ZBTB17: variants seen among roughly 807,000 people sequenced by gnomAD.
ZBTB17 encodes the protein zinc finger and BTB domain-containing protein 17.
A neutral mutation model predicts 85.1 loss-of-function variants in ZBTB17; 24 were observed. That is an observed-to-expected ratio of 0.28 (90% confidence interval 0.20 to 0.40). The LOEUF is 0.40. Among genes scored for constraint, ZBTB17 ranks in the 10% least tolerant of loss-of-function variants. The probability of loss-of-function intolerance (pLI) is 1.00; values close to 1 mark genes in which losing one functional copy is unlikely to be tolerated. For synonymous variants in ZBTB17, 464 were observed against 460.2 expected (o/e 1.01, Z -0.11); for missense variants, 743 against 1,105.1 (o/e 0.67, Z 4.65).
At chr1:15,949,841 G>A (rs531495632) in intron 2 of ZBTB17, among the ~76,000 whole-genome samples, 1 of 152,206 alleles carries the variant, frequency 6.6e-6, no homozygotes, top group Admixed American at 6.5e-5. Flanking sequence ...GTGATGTCTG[G>A]AAACTTTTCA....
In ZBTB17 at chr1:15,945,755, A is replaced by G. The variant is rs848217; in HGVS notation, c.621T>C (p.Ala207=). ...CGGACAAAGCGGCCTCAGCTTCTGC[A>G]GCAGCCATGCCACTCGTGGGGTCTG... ...LKPDPTSGMA[A]AEAEAALSES... The change falls in exon 6 of 16, where the codon GCT becomes GCC. Residue 207 remains alanine, a synonymous_variant. Transcript: ENST00000375743. The G allele has an allele frequency of 0.51, 811,446 of 1,605,680 alleles. 207,476 individuals are homozygous for G. Among genetic ancestry groups the G allele is most frequent in the Admixed American group, 0.67 (40,020 of 59,924 alleles).
intron 2 of ZBTB17, among the ~76,000 whole-genome samples, chr1:15,972,226 C>A (rs974924070): frequency 1.3e-5 from 2 of 152,230 alleles, no homozygotes; most frequent in Non-Finnish European, 2.9e-5. Flanking sequence ...TAGCACCCAG[C>A]ACAATGCCTG....
chr1:15,942,064 C>G lies in ZBTB17; in HGVS notation c.2317G>C (p.Glu773Gln), dbSNP rs1004600267. ...WPAGQVLQAG[E>Q]LVFRPRDGAE... ...CCGTCGCGAGGGCGGAAGACCAGCTCCCCAGCCTGCAGCACCTGCCCGGCA... is the reference window on the plus strand; with the variant it reads ...CCGTCGCGAGGGCGGAAGACCAGCTGCCCAGCCTGCAGCACCTGCCCGGCA... The change falls in exon 16 of 16, where the codon GAG becomes CAG. Residue 773 changes from glutamate to glutamine, a missense_variant. Glu to Gln is a conservative substitution (Grantham distance 29). Coordinates refer to ENST00000375743, the MANE Select transcript of ZBTB17 (RefSeq NM_003443.3). 1 of 1,612,720 alleles carries G rather than the reference C, an allele frequency of 6.2e-7. No homozygotes were observed. Among genetic ancestry groups the G allele is most frequent in the African/African-American group, 1.3e-5 (1 of 74,950 alleles).
intron 2 of ZBTB17, among the ~76,000 whole-genome samples, chr1:15,959,989 T>C (rs1407515173): frequency 6.6e-6 from 1 of 152,008 alleles, no homozygotes; most frequent in Non-Finnish European, 1.5e-5. Flanking sequence ...AGGAAAACAA[T>C]ATGAGCAGAA....
At chr1:15,969,832 C>A in intron 2 of ZBTB17, 1 of 555,254 alleles carries the variant, frequency 1.8e-6, no homozygotes. Flanking sequence ...GGTCACCATG[C>A]TGTTTTTTAT....
chr1:15,950,786 T>A (rs766631997), intron 2 of ZBTB17, among the ~76,000 whole-genome samples: 2 of 152,040 alleles, frequency 1.3e-5, no homozygotes, highest in South Asian at 2.1e-4. Context: ...GGAAGAGACA[T>A]GTGAGGAGAC....
rs181148790 is a variant in ZBTB17, at chr1:15,951,282, A to T, written c.-2-2785T>A. ...AGGAAGAAGTGAAGATGGGCAAAGT[A>T]AGGGAAGGAAAGGAGAGAGAAGAAG... On this transcript the variant is annotated intron_variant, in intron 2 of 15. Transcript: ENST00000375743. The surrounding 1 kb of genome is among the most constrained non-coding windows in gnomAD (Gnocchi z 4.1). 2.6e-5 allele frequency among the ~76,000 whole-genome samples: 4 copies of T among 151,074 alleles called. No individual in the cohort carries two copies. Among genetic ancestry groups the T allele is most frequent in the African/African-American group, 9.7e-5 (4 of 41,164 alleles).
chr1:15,944,390 G>A lies in ZBTB17; in HGVS notation c.1281C>T (p.Phe427=). 1 of 1,561,292 alleles carries A rather than the reference G, an allele frequency of 6.4e-7. No individual in the cohort carries two copies. Among genetic ancestry groups the A allele is most frequent in the Non-Finnish European group, 8.7e-7 (1 of 1,153,130 alleles). ...GGCGCATCTTGGAAGTGGGGTCGGA[G>A]AAGGAGCGGCCGCAGTAGTCGCACT... ...PYQCDYCGRS[F]SDPTSKMRHL... is the part of the protein sequence containing the mutation. The change falls in exon 9 of 16, where the codon TTC becomes TTT. Residue 427 remains phenylalanine (F), a synonymous_variant. Coordinates refer to ENST00000375743, the MANE Select transcript of ZBTB17 (RefSeq NM_003443.3).
At position 15,964,881 on chromosome 1, in the gene ZBTB17, C is replaced by T. The variant is rs974919830; in HGVS notation, c.-3+8158G>A. Among the ~76,000 whole-genome samples, 1 of 151,906 alleles carries T rather than the reference C, an allele frequency of 6.6e-6. No individual in the cohort carries two copies. Among genetic ancestry groups the T allele is most frequent in the Admixed American group, 6.6e-5 (1 of 15,228 alleles). ...CTATAATCCCAGCACTTTGGGAGGC[C>T]GAGATGGGTGGATCATGAGGTCAGG... is the stretch of plus-strand genomic sequence containing the variant. On this transcript the variant is annotated intron_variant, in intron 2 of 15. Transcript: ENST00000375743. This position sits in a 1 kb window ranked among gnomAD's most constrained non-coding sequence, Gnocchi z 4.3.
Position 15,945,019 on chromosome 1 carries a change from G to C in ZBTB17, c.845C>G (p.Ser282Cys). 6.2e-7 allele frequency: 1 copy of C among 1,603,112 alleles called. No homozygotes were observed. The highest frequency in any genetic ancestry group is 8.5e-7 in the Non-Finnish European group (1 of 1,176,392). The change falls in exon 7 of 16, where the codon TCC becomes TGC. Residue 282 changes from serine to cysteine, a missense_variant. Physicochemically the swap from Ser to Cys is moderately radical, Grantham distance 112. Coordinates refer to ENST00000375743, the MANE Select transcript of ZBTB17 (RefSeq NM_003443.3). ...AGTDSGQELG[S>C]EARGLRSGTY... ...GCCTGAGCGCAGGCCCCGGGCCTCG[G>C]AGCCGAGCTCCTGCCCCGAGTCTGT...
chr1:15,958,487 T>C (rs2072133052), intron 2 of ZBTB17, among the ~76,000 whole-genome samples: 3 of 151,490 alleles, frequency 2.0e-5, no homozygotes, highest in African/African-American at 7.3e-5. Flanking sequence ...AGGCCTTTGT[T>C]ATGGAGCAAC....
At chr1:15,960,837 A>G (rs550587065) in intron 2 of ZBTB17, among the ~76,000 whole-genome samples, 4 of 152,374 alleles carry the variant, frequency 2.6e-5, no homozygotes, top group African/African-American at 9.6e-5. Flanking sequence ...AGTGTGACTG[A>G]CTTTTTCTGG....
Position 15,948,478 on chromosome 1 carries a change from G to C in ZBTB17, c.18C>G (p.His6Gln). The C allele has an allele frequency of 6.2e-7, 1 of 1,613,802 alleles. No individual in the cohort carries two copies. The highest frequency in any genetic ancestry group is 8.5e-7 in the Non-Finnish European group (1 of 1,179,856). ...TCAGCTGTTCCAAGACATGCTGGCT[G>C]TGCTGGGGAAAGTCCATGGCTGAAG... MDFPQHSQHVLEQLNQ... is the reference protein window; with the variant it reads MDFPQQSQHVLEQLNQ... The change falls in exon 3 of 16, where the codon CAC becomes CAG. Residue 6 changes from histidine (H) to glutamine (Q), a missense_variant. Around this residue, in one of 4 missense-constraint regions of ZBTB17, gnomAD observed 74 missense variants for 142.6 expected, o/e 0.52. Coordinates refer to ENST00000375743, the MANE Select transcript of ZBTB17 (RefSeq NM_003443.3).
chr1:15,964,050 G>A lies in ZBTB17; in HGVS notation c.-3+8989C>T, dbSNP rs1345384023. 3.3e-5 allele frequency among the ~76,000 whole-genome samples: 5 copies of A among 151,608 alleles called. No individual in the cohort carries two copies. Among genetic ancestry groups the A allele is most frequent in the African/African-American group, 9.7e-5 (4 of 41,254 alleles). On this transcript the variant is annotated intron_variant, in intron 2 of 15. Coordinates refer to ENST00000375743, the MANE Select transcript of ZBTB17 (RefSeq NM_003443.3). The surrounding 1 kb of genome is among the most constrained non-coding windows in gnomAD (Gnocchi z 4.3). ...CAGGAGGATTGCATAATCCTAGAAG[G>A]TCCAGGCTGCAGTAAGCTGCGATTG...
intron 1 of ZBTB17, among the ~76,000 whole-genome samples, chr1:15,974,890 A>G (rs2072808750): frequency 6.6e-6 from 1 of 152,100 alleles, no homozygotes. Flanking sequence ...CTGCTTCTTT[A>G]TTTAGCCTGA....
In ZBTB17 at chr1:15,948,132, G is replaced by A. The variant is rs764219882; in HGVS notation, c.205+159C>T. 3.2e-5 allele frequency: 27 copies of A among 834,578 alleles called. No individual in the cohort carries two copies. The South Asian group carries it at 4.1e-4, about 13-fold the overall frequency. 51.7% of individuals were successfully genotyped at this position (834,578 alleles called of 1,614,324 possible). ...ATCAAAACAGGCCCCCAAAAGGTGG[G>A]AGGAACTTAGTACTGAATTGCTCAT... On this transcript the variant is annotated intron_variant, in intron 3 of 15. Coordinates refer to ENST00000375743, the MANE Select transcript of ZBTB17 (RefSeq NM_003443.3).
chr1:15,963,036 G>C (rs1350988688), intron 2 of ZBTB17, among the ~76,000 whole-genome samples: 1 of 152,204 alleles, frequency 6.6e-6, no homozygotes, highest in Non-Finnish European at 1.5e-5. Context: ...GCCAAGGCAG[G>C]CAGATTGCTT....
chr1:15,969,085 G>A (rs956138778), intron 2 of ZBTB17, among the ~76,000 whole-genome samples: 2 of 152,154 alleles, frequency 1.3e-5, no homozygotes, highest in Admixed American at 6.5e-5. Context: ...CCTAAGCTCC[G>A]CTTCCTGTCA....
Position 15,951,601 on chromosome 1 carries a change from C to T in ZBTB17, c.-2-3104G>A, listed in dbSNP as rs1014603077. 6.6e-5 allele frequency among the ~76,000 whole-genome samples: 10 copies of T among 152,098 alleles called. No individual in the cohort carries two copies. The highest frequency in any genetic ancestry group is 2.1e-4 in the South Asian group (1 of 4,826). On this transcript the variant is annotated intron_variant, in intron 2 of 15. Coordinates refer to ENST00000375743, the MANE Select transcript of ZBTB17 (RefSeq NM_003443.3). This position sits in a 1 kb window ranked among gnomAD's most constrained non-coding sequence, Gnocchi z 4.1. The stretch of plus-strand genomic sequence containing the variant: ...ACAGCCCCTCTCTCAAGGCCCGTGG[C>T]GAGACGGAGGCATGGCCGGCTGGGT...
Sources: gnomAD v4.1 joint callset for allele counts (sites outside exome capture counted in the v4.1 genomes callset) on GRCh38, gnomAD v4.1.1 for gene constraint, gnomAD v4.1.1 regional missense constraint, Gnocchi (gnomAD v3.1) non-coding constraint, MANE v1.5 for transcripts, NCBI Gene and HGNC (gene_info 2026-07-23, HGNC 2026-07-21) for gene names.